KHDRBS2: variants seen among roughly 807,000 people sequenced by gnomAD.
The protein encoded by KHDRBS2 is KH RNA binding domain containing, signal transduction associated 2.
KHDRBS2 carries 26 observed loss-of-function variants against 44.3 expected under a neutral mutation model. The ratio of observed to expected loss-of-function variants is 0.59; its 90% CI spans 0.43 to 0.81. The LOEUF (loss-of-function observed/expected upper bound fraction) is 0.81, where lower values mean the gene tolerates loss of function less well. KHDRBS2 is among the 40% of genes least tolerant of loss of function. The pLI is 0.00. For synonymous variants in KHDRBS2, 194 were observed against 151.1 expected (o/e 1.28, Z -2.08); for missense variants, 476 against 433.1 (o/e 1.10, Z -0.88).
chr6:61,710,423 T>C (rs1283384990), intron 7 of KHDRBS2, among the ~76,000 whole-genome samples: 1 of 151,690 alleles, frequency 6.6e-6, no homozygotes, highest in Non-Finnish European at 1.5e-5. Context: ...TGTCTTCCTC[T>C]TTTCTCAGAC....
At chr6:61,878,481 T>A (rs1583297949) in intron 6 of KHDRBS2, among the ~76,000 whole-genome samples, 1 of 152,154 alleles carries the variant, frequency 6.6e-6, no homozygotes, top group African/African-American at 2.4e-5. Context: ...GCTGACTGTC[T>A]AAATGACACT....
intron 1 of KHDRBS2, among the ~76,000 whole-genome samples, chr6:62,216,809 G>A (rs989356444): frequency 3.3e-5 from 5 of 149,686 alleles, no homozygotes; most frequent in East Asian, 2.0e-4. Context: ...AGATCACTTC[G>A]GTGAGATACA....
intron 6 of KHDRBS2, among the ~76,000 whole-genome samples, chr6:61,753,566 G>GTGGATCTTTTT (rs1399983893): frequency 1.3e-5 from 2 of 152,112 alleles, no homozygotes; most frequent in African/African-American, 2.4e-5. Flanking sequence ...TGGATCTTTT[G>GTGGATCTTTTT]CTCATATGTG....
chr6:61,796,884 T>A (rs1375745074), intron 6 of KHDRBS2, among the ~76,000 whole-genome samples: 1 of 152,136 alleles, frequency 6.6e-6, no homozygotes, highest in Non-Finnish European at 1.5e-5. Context: ...GCCCAGTAAC[T>A]AATGAGAGTT....
At chr6:62,061,340 C>G (rs556851763) in intron 2 of KHDRBS2, among the ~76,000 whole-genome samples, 1 of 151,740 alleles carries the variant, frequency 6.6e-6, no homozygotes, top group Non-Finnish European at 1.5e-5. Context: ...TTCAGCGCTT[C>G]CTTCAGGAGC....
chr6:61,983,236 CTTTTTTTT>C (rs1173961055), intron 3 of KHDRBS2, among the ~76,000 whole-genome samples: 117 of 118,484 alleles, frequency 9.9e-4, no homozygotes, highest in Middle Eastern at 4.3e-3. Context: ...TTCTTTCTTT[CTTTTTTTT>C]TTTTTTTTTT....
At chr6:61,925,526 G>A (rs1583539750) in intron 4 of KHDRBS2, among the ~76,000 whole-genome samples, 2 of 152,014 alleles carry the variant, frequency 1.3e-5, no homozygotes, top group Non-Finnish European at 2.9e-5. Flanking sequence ...GGCCAGCCTC[G>A]GCAACGTAGT....
At chr6:61,689,233 C>T (rs927818332) in intron 8 of KHDRBS2, among the ~76,000 whole-genome samples, 3 of 151,924 alleles carry the variant, frequency 2.0e-5, no homozygotes, top group African/African-American at 7.2e-5. Context: ...GTGCTCTTGT[C>T]ATATGTGTCT....
the KHDRBS2 span, among the ~76,000 whole-genome samples, chr6:61,638,473 G>A: frequency 6.6e-6 from 1 of 152,062 alleles, no homozygotes; most frequent in Non-Finnish European, 1.5e-5. Flanking sequence ...GCTGAAACTG[G>A]ATCCCTTCCT....
chr6:62,151,861 A>G (rs910560423), intron 2 of KHDRBS2, among the ~76,000 whole-genome samples: 1 of 152,230 alleles, frequency 6.6e-6, no homozygotes, highest in African/African-American at 2.4e-5. Flanking sequence ...AAAAAATGAT[A>G]ACGGGTAACA....
At chr6:62,175,523 G>C (rs1447492875) in intron 2 of KHDRBS2, among the ~76,000 whole-genome samples, 1 of 151,392 alleles carries the variant, frequency 6.6e-6, no homozygotes, top group Non-Finnish European at 1.5e-5. Context: ...GCATGACCTT[G>C]AGCAATTCAT....
chr6:61,550,519 T>C, the KHDRBS2 span, among the ~76,000 whole-genome samples: 4 of 152,148 alleles, frequency 2.6e-5, no homozygotes, highest in Admixed American at 6.6e-5. Flanking sequence ...TGTGTCTTTA[T>C]GGTAGAATGA....
chr6:62,258,511 A>T (rs1202205168), intron 1 of KHDRBS2, among the ~76,000 whole-genome samples: 1 of 152,038 alleles, frequency 6.6e-6, no homozygotes, highest in Non-Finnish European at 1.5e-5. Context: ...AATGACAGTG[A>T]TGCCAGACAA....
chr6:62,176,478 A>G (rs1463620594), intron 2 of KHDRBS2, among the ~76,000 whole-genome samples: 1 of 151,274 alleles, frequency 6.6e-6, no homozygotes, highest in Non-Finnish European at 1.5e-5. Flanking sequence ...CTTGCTTCAC[A>G]TTCACTCTTC....
At chr6:62,206,509 T>C (rs1451263025) in intron 1 of KHDRBS2, among the ~76,000 whole-genome samples, 1 of 152,122 alleles carries the variant, frequency 6.6e-6, no homozygotes, top group Non-Finnish European at 1.5e-5. Context: ...AATATTCTAA[T>C]ATATTTCACT....
chr6:61,738,788 G>A (rs747231641), intron 6 of KHDRBS2, among the ~76,000 whole-genome samples: 2 of 151,698 alleles, frequency 1.3e-5, no homozygotes, highest in African/African-American at 4.8e-5. Context: ...TGACTTAAAC[G>A]CTTATTATTG....
At chr6:62,103,061 G>A (rs1237678377) in intron 2 of KHDRBS2, among the ~76,000 whole-genome samples, 1 of 152,090 alleles carries the variant, frequency 6.6e-6, no homozygotes, top group African/African-American at 2.4e-5. Flanking sequence ...GAAAATGCAT[G>A]CTGATTGGTC....
chr6:62,175,103 T>C (rs1585065559), intron 2 of KHDRBS2, among the ~76,000 whole-genome samples: 3 of 151,832 alleles, frequency 2.0e-5, no homozygotes, highest in East Asian at 1.9e-4. Flanking sequence ...AATATTATGA[T>C]TTATTGTTGT....
At chr6:62,108,562 A>G (rs1375461534) in intron 2 of KHDRBS2, among the ~76,000 whole-genome samples, 2 of 152,174 alleles carry the variant, frequency 1.3e-5, no homozygotes, top group South Asian at 2.1e-4. Context: ...ATCTAGAACT[A>G]GAAATACCAT....
Sources: gnomAD v4.1 joint callset for allele counts (sites outside exome capture counted in the v4.1 genomes callset) on GRCh38, gnomAD v4.1.1 for gene constraint, MANE v1.5 for transcripts, NCBI Gene and HGNC (gene_info 2026-07-23, HGNC 2026-07-21) for gene names.